CRADD: variants seen among roughly 807,000 people sequenced by gnomAD.
CRADD encodes death domain-containing protein CRADD.
CRADD carries 9 observed loss-of-function variants against 15.5 expected under a neutral mutation model. The observed-to-expected ratio is 0.58, with a 90% CI of 0.35 to 1.01. The LOEUF is 1.01. CRADD is among the 50% of genes least tolerant of loss of function. The pLI is 0.02. For synonymous variants in CRADD, 118 were observed against 107.6 expected (o/e 1.10, Z -0.60); for missense variants, 227 against 250.3 (o/e 0.91, Z 0.63).
At chr12:93,888,004 A>C (rs924054511) in intron 2 of CRADD, among the ~76,000 whole-genome samples, 2 of 152,198 alleles carry the variant, frequency 1.3e-5, no homozygotes, top group Non-Finnish European at 2.9e-5. Context: ...GCTGAGACCC[A>C]AAGGATGAGT....
intron 2 of CRADD, among the ~76,000 whole-genome samples, chr12:93,781,125 A>G (rs900262332): frequency 6.6e-6 from 1 of 152,018 alleles, no homozygotes; most frequent in African/African-American, 2.4e-5. Context: ...GACTGCTGGG[A>G]TCATGTCAGA....
At chr12:93,819,719 C>T (rs1299153092) in intron 2 of CRADD, among the ~76,000 whole-genome samples, 2 of 152,216 alleles carry the variant, frequency 1.3e-5, no homozygotes, top group Non-Finnish European at 2.9e-5. Context: ...ACTTGGTGTG[C>T]GTAAGAGGGC....
At chr12:93,775,095 C>T (rs772767061) in intron 2 of CRADD, among the ~76,000 whole-genome samples, 6 of 152,138 alleles carry the variant, frequency 3.9e-5, no homozygotes, top group African/African-American at 7.2e-5. Flanking sequence ...GACAAAAACC[C>T]AAAATGATGA....
intron 2 of CRADD, among the ~76,000 whole-genome samples, chr12:93,810,574 A>T (rs1393023933): frequency 6.8e-6 from 1 of 146,398 alleles, no homozygotes. Flanking sequence ...AAAAAAAAAA[A>T]AAAAAAAAAA....
Position 93,871,977 on chromosome 12 carries a change from G to C in CRADD, c.299-22073G>C, listed in dbSNP as rs538058880. 2.6e-5 allele frequency among the ~76,000 whole-genome samples: 4 copies of C among 152,218 alleles called. No individual in the cohort carries two copies. The South Asian group carries it at 8.3e-4, about 32-fold the overall frequency. ...GGTAGCTCAATTTTTAGCTTTTGAG[G>C]AACCTCCAAACTATTCTCCATAGTG... On this transcript the variant is annotated intron_variant, in intron 2 of 2. Transcript: ENST00000548483.
chr12:93,825,698 A>G (rs186420317), intron 2 of CRADD, among the ~76,000 whole-genome samples: 1 of 152,220 alleles, frequency 6.6e-6, no homozygotes, highest in East Asian at 1.9e-4. Flanking sequence ...GAAGCACAGC[A>G]GTATTAGGCT....
intron 2 of CRADD, among the ~76,000 whole-genome samples, chr12:93,752,414 C>G (rs1033839465): frequency 1.3e-5 from 2 of 152,174 alleles, no homozygotes; most frequent in South Asian, 2.1e-4. Context: ...TTGTCAACTA[C>G]TGAGGCTATA....
chr12:93,855,000 G>A (rs896443804), downstream of CRADD, among the ~76,000 whole-genome samples: 34 of 152,142 alleles, frequency 2.2e-4, no homozygotes, highest in Non-Finnish European at 4.1e-4. Context: ...TTCGAGACCA[G>A]CCTGGGGAAC....
intron 2 of CRADD, among the ~76,000 whole-genome samples, chr12:93,813,268 C>T (rs2137010044): frequency 6.6e-6 from 1 of 152,166 alleles, no homozygotes; most frequent in South Asian, 2.1e-4. Flanking sequence ...TTCAAAAAAA[C>T]TGGAATCTAA....
intron 2 of CRADD, among the ~76,000 whole-genome samples, chr12:93,716,147 G>C (rs889206453): frequency 1.3e-5 from 2 of 150,964 alleles, no homozygotes; most frequent in South Asian, 2.1e-4. Context: ...AAAAAAAAAG[G>C]AAAAAAATTA....
At chr12:93,746,804 G>A (rs1223991838) in intron 2 of CRADD, among the ~76,000 whole-genome samples, 3 of 150,102 alleles carry the variant, frequency 2.0e-5, no homozygotes, top group Non-Finnish European at 4.4e-5. Context: ...TTTTGAAGAA[G>A]GAAAGAAGGA....
intron 2 of CRADD, chr12:93,738,754 C>A: frequency 3.7e-6 from 1 of 273,464 alleles, no homozygotes; most frequent in Non-Finnish European, 6.7e-6. Context: ...CCTATTCAAA[C>A]AGAATAAAAA....
At chr12:93,832,239 A>G (rs1957913486) in intron 2 of CRADD, among the ~76,000 whole-genome samples, 1 of 152,208 alleles carries the variant, frequency 6.6e-6, no homozygotes, top group Non-Finnish European at 1.5e-5. Flanking sequence ...TAGGATGCTA[A>G]TAAGAGAACT....
intron 2 of CRADD, among the ~76,000 whole-genome samples, chr12:93,838,214 G>GTTTTTTTTTTTTTTTTTTTT (rs66564800): frequency 4.6e-5 from 6 of 130,602 alleles, no homozygotes; most frequent in African/African-American, 5.8e-5. Flanking sequence ...TCCTTTTGAG[G>GTTTTTTTTTTTTTTTTTTTT]TTTTTTTTTT....
chr12:93,801,760 G>C (rs904779923), intron 2 of CRADD, among the ~76,000 whole-genome samples: 2 of 152,076 alleles, frequency 1.3e-5, no homozygotes, highest in Non-Finnish European at 2.9e-5. Context: ...ACATGGATAA[G>C]TTCTTTAGTG....
At chr12:93,877,663 C>A (rs1206066793) in intron 2 of CRADD, among the ~76,000 whole-genome samples, 1 of 152,188 alleles carries the variant, frequency 6.6e-6, no homozygotes, top group Non-Finnish European at 1.5e-5. Flanking sequence ...TGCCAGACTA[C>A]CACCTATGTT....
At position 93,841,471 on chromosome 12, in the gene CRADD, T is replaced by C. The variant is rs569762728; in HGVS notation, c.299-8499T>C. The stretch of plus-strand genomic sequence containing the variant: ...CAAGGTCCACAGGATCCATGAACAT[T>C]TGATGGAGCTTACCTGTAAAGCCAT... On this transcript the variant is annotated intron_variant, in intron 2 of 2. Coordinates refer to ENST00000332896, the MANE Select transcript of CRADD (RefSeq NM_003805.5). 1.8e-4 allele frequency among the ~76,000 whole-genome samples: 27 copies of C among 152,330 alleles called. No homozygotes were observed. In the South Asian group the frequency reaches 2.3e-3, roughly 13 times the overall value.
intron 2 of CRADD, chr12:93,836,189 G>GA (rs1024816214): frequency 9.2e-5 from 14 of 151,928 alleles, no homozygotes; most frequent in African/African-American, 3.1e-4. Flanking sequence ...AATTAGAGGA[G>GA]AAAAAAATGT....
chr12:93,815,689 T>C (rs1384915446), intron 2 of CRADD, among the ~76,000 whole-genome samples: 1 of 152,256 alleles, frequency 6.6e-6, no homozygotes, highest in East Asian at 1.9e-4. Flanking sequence ...TTAAATTTTG[T>C]GAGCCTGTGA....
Sources: allele counts gnomAD v4.1 joint callset (sites outside exome capture counted in the v4.1 genomes callset), GRCh38; gene constraint gnomAD v4.1.1; transcripts MANE v1.5; gene names NCBI Gene and HGNC (gene_info 2026-07-23, HGNC 2026-07-21).